DOCK1: variants seen among roughly 807,000 people sequenced by gnomAD.
DOCK1 encodes dedicator of cytokinesis 1, also known as dedicator of cytokinesis protein 1.
Under a neutral mutation model 262.7 loss-of-function variants are expected in DOCK1, and 138 were observed. The observed-to-expected ratio is 0.53, with a 90% CI of 0.46 to 0.61. DOCK1 has a LOEUF of 0.61. Among genes scored for constraint, DOCK1 ranks in the 20% least tolerant of loss-of-function variants. The probability of loss-of-function intolerance (pLI) is 0.00; values close to 1 mark genes in which losing one functional copy is unlikely to be tolerated. For missense variants in DOCK1, 1,908 were observed against 2,370.7 expected, an observed-to-expected ratio of 0.80 and a Z score of 4.05; for synonymous variants, 866 against 867.4, an observed-to-expected ratio of 1.00 and a Z score of 0.03.
chr10:127,407,961 G>C lies in DOCK1; in HGVS notation c.4123-1076G>C, dbSNP rs187534200. Among the ~76,000 whole-genome samples the C allele has an allele frequency of 9.9e-5, 15 of 152,138 alleles. No homozygotes were observed. In the South Asian group the frequency reaches 1.2e-3, roughly 13 times the overall value. On this transcript the variant is annotated intron_variant, in intron 40 of 51. Transcript: ENST00000623213. Reference sequence around the variant, plus strand: ...CAGGATGGGTGGGGGGAGGCAGAAGGCTTCCAAAACCAGCAGCAGCATTAC... The same window carrying C: ...CAGGATGGGTGGGGGGAGGCAGAAGCCTTCCAAAACCAGCAGCAGCATTAC...
At chr10:127,242,859 G>T (rs550795302) in intron 27 of DOCK1, among the ~76,000 whole-genome samples, 2 of 152,230 alleles carry the variant, frequency 1.3e-5, no homozygotes, top group South Asian at 4.2e-4. Context: ...GCATAATCCC[G>T]GATTCAGTCT....
At chr10:127,106,908 A>G (rs1335025816) in intron 24 of DOCK1, among the ~76,000 whole-genome samples, 1 of 152,110 alleles carries the variant, frequency 6.6e-6, no homozygotes, top group Non-Finnish European at 1.5e-5. Flanking sequence ...ATCTGTTGGT[A>G]TCACTGCATT....
intron 29 of DOCK1, among the ~76,000 whole-genome samples, chr10:127,273,809 G>T (rs1029469525): frequency 4.6e-5 from 7 of 151,694 alleles, no homozygotes; most frequent in African/African-American, 1.7e-4. Flanking sequence ...TTCAACCTGG[G>T]TCGCAGAGGT....
chr10:127,261,303 GT>G (rs2060091350), intron 29 of DOCK1, among the ~76,000 whole-genome samples: 4 of 121,442 alleles, frequency 3.3e-5, no homozygotes, highest in African/African-American at 1.3e-4. Flanking sequence ...GTGGGTGTGT[GT>G]GTGTGTGCCT....
chr10:127,095,404 T>G (rs970949223), intron 23 of DOCK1, among the ~76,000 whole-genome samples: 1 of 152,174 alleles, frequency 6.6e-6, no homozygotes, highest in Admixed American at 6.5e-5. Context: ...TTTGGGGAAA[T>G]AAGGATGAGT....
At chr10:127,304,655 T>C (rs1373773149) in intron 29 of DOCK1, among the ~76,000 whole-genome samples, 1 of 152,082 alleles carries the variant, frequency 6.6e-6, no homozygotes, top group Non-Finnish European at 1.5e-5. Context: ...GGAGGTGAGG[T>C]GAGAGGCTTG....
chr10:126,952,282 T>C (rs2036319135), intron 1 of DOCK1, among the ~76,000 whole-genome samples: 1 of 152,076 alleles, frequency 6.6e-6, no homozygotes, highest in East Asian at 1.9e-4. Context: ...TTGTTCATAG[T>C]ATTGTAGGTG....
intron 1 of DOCK1, among the ~76,000 whole-genome samples, chr10:126,944,029 T>C (rs1326718451): frequency 2.8e-5 from 4 of 143,392 alleles, no homozygotes; most frequent in Non-Finnish European, 6.0e-5. Flanking sequence ...GAAGAGTTCA[T>C]GGGCAGTGGT....
intron 27 of DOCK1, among the ~76,000 whole-genome samples, chr10:127,237,106 C>A (rs1360217668): frequency 6.6e-6 from 1 of 152,132 alleles, no homozygotes; most frequent in South Asian, 2.1e-4. Context: ...CGCCTGTAAT[C>A]CCAGCACTTT....
intron 29 of DOCK1, among the ~76,000 whole-genome samples, chr10:127,262,331 G>A (rs1248272815): frequency 1.3e-5 from 2 of 151,988 alleles, no homozygotes; most frequent in African/African-American, 2.4e-5. Flanking sequence ...ACTTTTATTT[G>A]CAGAGATTCT....
chr10:127,253,166 G>A (rs1428658561), intron 28 of DOCK1, among the ~76,000 whole-genome samples: 1 of 152,216 alleles, frequency 6.6e-6, no homozygotes, highest in African/African-American at 2.4e-5. Flanking sequence ...TGCCCAAGGG[G>A]CTGCTGGCTG....
At chr10:127,268,725 C>G (rs553692616) in intron 29 of DOCK1, among the ~76,000 whole-genome samples, 8 of 152,048 alleles carry the variant, frequency 5.3e-5, no homozygotes, top group African/African-American at 1.7e-4. Flanking sequence ...GGTGGTTTCC[C>G]CAAGTCGCTC....
intron 28 of DOCK1, among the ~76,000 whole-genome samples, chr10:127,254,095 G>A (rs1255984188): frequency 6.6e-6 from 1 of 152,078 alleles, no homozygotes; most frequent in Non-Finnish European, 1.5e-5. Context: ...TGCTCCATGA[G>A]AATTCAGCAA....
At chr10:127,414,361 G>A (rs2068036810) in intron 43 of DOCK1, among the ~76,000 whole-genome samples, 1 of 152,200 alleles carries the variant, frequency 6.6e-6, no homozygotes, top group African/African-American at 2.4e-5. Context: ...CGAGGCAGTA[G>A]GATAAAGGAT....
At chr10:126,921,132 A>C (rs1207473144) in intron 1 of DOCK1, among the ~76,000 whole-genome samples, 1 of 151,212 alleles carries the variant, frequency 6.6e-6, no homozygotes. Context: ...TCTGGGAGGC[A>C]GAGGTTGCAG....
intron 38 of DOCK1, among the ~76,000 whole-genome samples, chr10:127,390,009 C>CA (rs1491231394): frequency 9.8e-5 from 5 of 51,274 alleles, no homozygotes; most frequent in Admixed American, 4.7e-4. Context: ...AACTCTGTCT[C>CA]AAACAAAAAA....
intron 27 of DOCK1, among the ~76,000 whole-genome samples, chr10:127,182,859 G>T: frequency 6.6e-6 from 1 of 152,076 alleles, no homozygotes; most frequent in East Asian, 1.9e-4. Context: ...CTTTAGTTAC[G>T]ATAGCAGGTG....
chr10:127,123,742 A>G (rs1433869345), intron 25 of DOCK1, among the ~76,000 whole-genome samples: 2 of 152,016 alleles, frequency 1.3e-5, no homozygotes, highest in East Asian at 3.9e-4. Context: ...TGGCTCTAAC[A>G]CTAGGGCAGT....
chr10:127,220,283 G>T (rs1379500693), intron 27 of DOCK1, among the ~76,000 whole-genome samples: 1 of 151,682 alleles, frequency 6.6e-6, no homozygotes, highest in African/African-American at 2.4e-5. Flanking sequence ...TGAGTCCCTA[G>T]ACTGAGGATA....
Sources: gnomAD v4.1 joint callset for allele counts (sites outside exome capture counted in the v4.1 genomes callset) on GRCh38, gnomAD v4.1.1 for gene constraint, MANE v1.5 for transcripts, NCBI Gene and HGNC (gene_info 2026-07-23, HGNC 2026-07-21) for gene names.